The following TAFA2 variants were observed in gnomAD, a reference collection of about 807,000 sequenced individuals.
The protein encoded by TAFA2 is TAFA chemokine like family member 2, also known as chemokine-like protein TAFA-2.
In TAFA2, 7 loss-of-function variants were observed where a neutral mutation model predicts 18.8. The ratio of observed to expected loss-of-function variants is 0.37; its 90% confidence interval spans 0.21 to 0.70. The LOEUF is 0.70. TAFA2 is among the 30% of genes least tolerant of loss of function. TAFA2 has a pLI of 0.53. For synonymous variants in TAFA2, 60 were observed against 54.2 expected (o/e 1.11, Z -0.47); for missense variants, 122 against 158.1 (o/e 0.77, Z 1.23).
At chr12:62,068,544 G>C (rs1451346580) in intron 1 of TAFA2, among the ~76,000 whole-genome samples, 1 of 152,078 alleles carries the variant, frequency 6.6e-6, no homozygotes, top group Non-Finnish European at 1.5e-5. Flanking sequence ...CTGTCTCTTT[G>C]AAATAGGTCT....
At chr12:61,951,126 A>C (rs1878450493) in intron 1 of TAFA2, among the ~76,000 whole-genome samples, 1 of 152,156 alleles carries the variant, frequency 6.6e-6, no homozygotes, top group Non-Finnish European at 1.5e-5. Context: ...CTGAGAAGTG[A>C]GACCTAATAA....
At chr12:62,147,566 A>G (rs1014800872) in intron 1 of TAFA2, among the ~76,000 whole-genome samples, 1 of 149,706 alleles carries the variant, frequency 6.7e-6, no homozygotes, top group African/African-American at 2.4e-5. Flanking sequence ...TGTCTCTACT[A>G]AAAAATACAA....
intron 1 of TAFA2, among the ~76,000 whole-genome samples, chr12:62,125,908 G>C (rs1441168420): frequency 1.3e-5 from 2 of 151,970 alleles, no homozygotes; most frequent in Non-Finnish European, 2.9e-5. Context: ...ATATACTGAG[G>C]CATTATTTAT....
intron 1 of TAFA2, among the ~76,000 whole-genome samples, chr12:62,222,673 ATT>A (rs767010579): frequency 8.5e-5 from 12 of 140,880 alleles, no homozygotes; most frequent in African/African-American, 1.0e-4. Flanking sequence ...CGCCCAGCTA[ATT>A]TTTTTTTTTT....
At chr12:61,809,857 C>T (rs1464464402) in intron 2 of TAFA2, among the ~76,000 whole-genome samples, 1 of 151,254 alleles carries the variant, frequency 6.6e-6, no homozygotes, top group Non-Finnish European at 1.5e-5. Flanking sequence ...AGGGAAATCT[C>T]AATACCTCCA....
chr12:61,771,909 CAA>C (rs58401862), intron 2 of TAFA2, among the ~76,000 whole-genome samples: 5,646 of 145,038 alleles, frequency 0.039, 349 homozygotes, highest in African/African-American at 0.13. Flanking sequence ...GAAATTGAAA[CAA>C]AAAAAAAAAC....
intron 1 of TAFA2, among the ~76,000 whole-genome samples, chr12:61,871,879 T>C (rs538029512): frequency 6.6e-6 from 1 of 152,148 alleles, no homozygotes; most frequent in South Asian, 2.1e-4. Context: ...GATCACAAGG[T>C]CAGGAGATCG....
chr12:62,256,684 TTC>T (rs1243987137), intron 1 of TAFA2, among the ~76,000 whole-genome samples: 2 of 152,240 alleles, frequency 1.3e-5, no homozygotes, highest in Non-Finnish European at 2.9e-5. Flanking sequence ...TATATTTTCA[TTC>T]TCTTTTTCAG....
intron 1 of TAFA2, among the ~76,000 whole-genome samples, chr12:61,903,038 A>G (rs1876179075): frequency 6.6e-6 from 1 of 152,266 alleles, no homozygotes; most frequent in Non-Finnish European, 1.5e-5. Flanking sequence ...TCACTTCAAC[A>G]ATGAACTCCT....
At position 61,836,732 on chromosome 12, in the gene TAFA2, GATATAT is replaced by G. The variant is rs3034054; in HGVS notation, c.106+30582_106+30587del. Among the ~76,000 whole-genome samples the G allele has an allele frequency of 4.8e-4, 54 of 112,770 alleles. 1 individual carries two copies. The highest frequency in any genetic ancestry group is 1.4e-3 in the African/African-American group (48 of 33,562). The allele number at this position is 112,770 out of a possible 152,430, so 74.0% of individuals were successfully genotyped here. ...TAGTATTTAGAATTGTTGCCAATTT[GATATAT>G]ATATATATATATATATATACACACA... On this transcript the variant is annotated intron_variant, in intron 2 of 4. Transcript: ENST00000416284.
intron 2 of TAFA2, among the ~76,000 whole-genome samples, chr12:61,828,624 T>C (rs1340651923): frequency 6.6e-6 from 1 of 151,852 alleles, no homozygotes; most frequent in African/African-American, 2.4e-5. Context: ...AAATGAAATA[T>C]GGTTTTACCA....
chr12:62,245,429 T>G (rs1056446101), intron 1 of TAFA2, among the ~76,000 whole-genome samples: 1 of 151,894 alleles, frequency 6.6e-6, no homozygotes, highest in Non-Finnish European at 1.5e-5. Context: ...CTTTTACATG[T>G]CTGCAGATTA....
chr12:61,851,774 CAAA>C (rs55651727), intron 2 of TAFA2, among the ~76,000 whole-genome samples: 3 of 14,502 alleles, frequency 2.1e-4, no homozygotes, highest in Admixed American at 1.4e-3. Context: ...GACTCCATCT[CAAA>C]AAAAAAAAAA....
At chr12:62,047,323 A>C (rs1280408195) in intron 1 of TAFA2, among the ~76,000 whole-genome samples, 1 of 152,166 alleles carries the variant, frequency 6.6e-6, no homozygotes, top group Non-Finnish European at 1.5e-5. Context: ...GGCAAGTGAC[A>C]ACCTCTATAA....
rs147204785 is a variant in TAFA2, at chr12:62,068,650, T to C, written c.-2+122609A>G. Among the ~76,000 whole-genome samples, 87 of 152,196 alleles carry C rather than the reference T, an allele frequency of 5.7e-4. 2 individuals carry two copies. The East Asian group carries it at 0.015, about 26-fold the overall frequency. ...ACATGACAATGGAAAATTTACAAAA[T>C]ATTATTCAAAATTTACAAATATAAT... On this transcript the variant is annotated intron_variant, in intron 1 of 4. Transcript: ENST00000416284.
chr12:62,043,731 T>A (rs955455361), intron 1 of TAFA2, among the ~76,000 whole-genome samples: 14 of 152,154 alleles, frequency 9.2e-5, no homozygotes, highest in African/African-American at 3.1e-4. Flanking sequence ...GAATCTAAGA[T>A]CTTCAAAGGT....
At chr12:61,814,556 C>T (rs1872001083) in intron 2 of TAFA2, among the ~76,000 whole-genome samples, 1 of 151,272 alleles carries the variant, frequency 6.6e-6, no homozygotes, top group Non-Finnish European at 1.5e-5. Context: ...GAGCAAGAAA[C>T]ACATTTAGAA....
At chr12:62,035,040 G>A (rs1881561418) in intron 1 of TAFA2, among the ~76,000 whole-genome samples, 1 of 152,106 alleles carries the variant, frequency 6.6e-6, no homozygotes. Context: ...TATAACTACT[G>A]CATAGAACTA....
chr12:62,086,769 C>T (rs965078211), intron 1 of TAFA2, among the ~76,000 whole-genome samples: 3 of 152,032 alleles, frequency 2.0e-5, no homozygotes, highest in African/African-American at 7.2e-5. Flanking sequence ...TGTGATCCAG[C>T]AATTTCACAT....
Sources: allele counts gnomAD v4.1 joint callset (sites outside exome capture counted in the v4.1 genomes callset), GRCh38; gene constraint gnomAD v4.1.1; transcripts MANE v1.5; gene names NCBI Gene and HGNC (gene_info 2026-07-23, HGNC 2026-07-21).